PPP2R5E: variants seen among roughly 807,000 people sequenced by gnomAD.
PPP2R5E encodes protein phosphatase 2 regulatory subunit B'epsilon, also known as serine/threonine-protein phosphatase 2A 56 kDa regulatory subunit epsilon isoform.
A neutral mutation model predicts 65.3 loss-of-function variants in PPP2R5E; 4 were observed. The observed-to-expected ratio is 0.06, with a 90% CI of 0.03 to 0.14. The LOEUF (loss-of-function observed/expected upper bound fraction) is 0.14. Ranked by LOEUF, PPP2R5E falls within the 10% of genes least tolerant of loss-of-function variation. The pLI, the probability that PPP2R5E is intolerant of heterozygous loss-of-function variation, is 1.00. For missense variants in PPP2R5E, 274 were observed against 556.1 expected (o/e 0.49, Z 5.10); for synonymous variants, 183 against 187.4 (o/e 0.98, Z 0.19).
intron 2 of PPP2R5E, among the ~76,000 whole-genome samples, chr14:63,465,450 C>CAAAAAAAAAAAAAAAAAAA (rs1171345415): frequency 6.3e-5 from 3 of 47,416 alleles, no homozygotes; most frequent in African/African-American, 2.3e-4. Flanking sequence ...TCCACCTCTA[C>CAAAAAAAAAAAAAAAAAAA]AAAAAAAAAA....
chr14:63,492,858 C>G (rs1891346589), intron 2 of PPP2R5E, among the ~76,000 whole-genome samples: 1 of 152,126 alleles, frequency 6.6e-6, no homozygotes, highest in Non-Finnish European at 1.5e-5. Context: ...CCAGGAATTA[C>G]CAGGAGCCTT....
intron 2 of PPP2R5E, among the ~76,000 whole-genome samples, chr14:63,493,656 CAT>C (rs10571434): frequency 0.32 from 48,573 of 151,674 alleles, 11,557 homozygotes; most frequent in African/African-American, 0.67. Flanking sequence ...TAGTTTTGCA[CAT>C]GTGGCAAGAC....
intron 3 of PPP2R5E, among the ~76,000 whole-genome samples, chr14:63,440,713 C>T (rs1888183958): frequency 6.7e-6 from 1 of 149,414 alleles, no homozygotes; most frequent in Non-Finnish European, 1.5e-5. Context: ...CCGAGGCAGG[C>T]GCATCATGAG....
intron 2 of PPP2R5E, among the ~76,000 whole-genome samples, chr14:63,514,922 A>C (rs1435957783): frequency 6.6e-6 from 1 of 152,190 alleles, no homozygotes; most frequent in African/African-American, 2.4e-5. Flanking sequence ...CATCTGTCCA[A>C]AGTCACTCAG....
At chr14:63,383,663 A>C (rs1884500217) in intron 12 of PPP2R5E, among the ~76,000 whole-genome samples, 1 of 152,262 alleles carries the variant, frequency 6.6e-6, no homozygotes. Context: ...TATTATGAAT[A>C]TACTGAATTG....
intron 11 of PPP2R5E, among the ~76,000 whole-genome samples, chr14:63,387,744 T>G (rs1247051143): frequency 2.0e-5 from 3 of 152,200 alleles, no homozygotes; most frequent in Non-Finnish European, 4.4e-5. Flanking sequence ...CCAACGTGAC[T>G]ATATTTGGAC....
At chr14:63,515,011 G>A (rs1208777414) in intron 2 of PPP2R5E, among the ~76,000 whole-genome samples, 1 of 152,110 alleles carries the variant, frequency 6.6e-6, no homozygotes, top group East Asian at 1.9e-4. Context: ...ACTCTACCCT[G>A]CTGAACATGC....
chr14:63,522,607 G>T lies in PPP2R5E; in HGVS notation c.157+16922C>A, dbSNP rs1301443267. On this transcript the variant is annotated intron_variant, in intron 2 of 13. Coordinates refer to ENST00000337537, the MANE Select transcript of PPP2R5E (RefSeq NM_006246.5). ...GCCTCTGCCCCGCCGCCCCGTCTGG[G>T]ATGTGAGGAGCGCCTCTACCCGTCC... is the stretch of plus-strand genomic sequence containing the variant. 5.9e-3 allele frequency among the ~76,000 whole-genome samples: 835 copies of T among 142,714 alleles called. 52 individuals are homozygous for T. In the East Asian group the frequency reaches 0.13, roughly 21 times the overall value. The allele number at this position is 142,714 out of a possible 152,430, so 93.6% of individuals were successfully genotyped here.
chr14:63,442,907 G>A (rs537550412), intron 3 of PPP2R5E, among the ~76,000 whole-genome samples: 2 of 152,228 alleles, frequency 1.3e-5, no homozygotes, highest in East Asian at 3.9e-4. Context: ...TCATTCCAAA[G>A]CTACTTTTAG....
rs546647615 is a variant in PPP2R5E, at chr14:63,476,912, G to T, written c.158-23027C>A. Among the ~76,000 whole-genome samples the T allele has an allele frequency of 5.3e-5, 8 of 152,256 alleles. No homozygotes were observed. In the East Asian group the frequency reaches 1.5e-3, roughly 29 times the overall value. ...AGCTGAAAACTAAGAACAAGAGGAA[G>T]CACTTAGACTGTAGAGTAGTAGAGT... On this transcript the variant is annotated intron_variant, in intron 2 of 13. Transcript: ENST00000337537.
At chr14:63,428,477 G>C (rs560076425) in intron 3 of PPP2R5E, among the ~76,000 whole-genome samples, 1 of 152,238 alleles carries the variant, frequency 6.6e-6, no homozygotes, top group Admixed American at 6.5e-5. Context: ...TAGATGCCTT[G>C]TATTTTTATT....
chr14:63,468,022 G>A (rs1889925221), intron 2 of PPP2R5E, among the ~76,000 whole-genome samples: 1 of 152,216 alleles, frequency 6.6e-6, no homozygotes, highest in South Asian at 2.1e-4. Flanking sequence ...TAAGAATTAA[G>A]TGAGTACATA....
At chr14:63,467,606 G>A (rs1445608039) in intron 2 of PPP2R5E, among the ~76,000 whole-genome samples, 3 of 152,108 alleles carry the variant, frequency 2.0e-5, no homozygotes, top group Non-Finnish European at 4.4e-5. Flanking sequence ...AACTAAGCTC[G>A]GCAACTAGGT....
chr14:63,374,634 G>GATTATATATATATATAT lies in PPP2R5E; in HGVS notation c.*1374_*1375insATATATATATATATAAT, dbSNP rs1555353678. 488 of 109,466 alleles carry GATTATATATATATATAT rather than the reference G, an allele frequency of 4.5e-3. 26 individuals carry two copies. Among genetic ancestry groups the GATTATATATATATATAT allele is most frequent in the African/African-American group, 0.022 (457 of 20,574 alleles). 6.8% of individuals were successfully genotyped at this position (109,466 alleles called of 1,614,324 possible). A position where few individuals can be genotyped will look rare whatever the true frequency, so the allele number is the denominator to read the frequency against. On this transcript the variant is annotated 3_prime_UTR_variant, in exon 14 of 14. Coordinates refer to ENST00000337537, the MANE Select transcript of PPP2R5E (RefSeq NM_006246.5). ...TAAATACAAAGCAGAGAGCCAATAAGATATATATATATATATATATATATA... is the reference window on the plus strand; with the variant it reads ...TAAATACAAAGCAGAGAGCCAATAAGATTATATATATATATATATATATATATATATATATATATATA...
At chr14:63,511,846 AG>A (rs1314656358) in intron 2 of PPP2R5E, among the ~76,000 whole-genome samples, 1 of 152,104 alleles carries the variant, frequency 6.6e-6, no homozygotes, top group African/African-American at 2.4e-5. Context: ...TGGGAGGCCG[AG>A]GTGAGTGGAT....
chr14:63,430,369 A>ACATG (rs145725219), intron 3 of PPP2R5E, among the ~76,000 whole-genome samples: 7 of 135,138 alleles, frequency 5.2e-5, no homozygotes, highest in African/African-American at 1.3e-4. Context: ...ATACATACAT[A>ACATG]CATGCATGCA....
intron 2 of PPP2R5E, among the ~76,000 whole-genome samples, chr14:63,488,343 G>A (rs573156595): frequency 1.1e-4 from 17 of 151,996 alleles, no homozygotes; most frequent in African/African-American, 2.2e-4. Context: ...GACTAGAGGC[G>A]CACACCACCA....
At chr14:63,426,340 C>T (rs532005994) in intron 3 of PPP2R5E, among the ~76,000 whole-genome samples, 184 of 152,048 alleles carry the variant, frequency 1.2e-3, no homozygotes, top group African/African-American at 4.2e-3. Flanking sequence ...ACCTTTATGT[C>T]CGGCATCAGA....
In PPP2R5E at chr14:63,539,661, G is replaced by C. The variant is rs779891878; in HGVS notation, c.25C>G (p.Pro9Ala). The change falls in exon 2 of 14, where the codon CCA (proline) becomes GCA (alanine). Residue 9 changes from proline (P) to alanine (A), a missense_variant. By Grantham distance (27) the Pro-to-Ala change is conservative (BLOSUM62 -1). Around this residue, in one of 6 missense-constraint regions of PPP2R5E, gnomAD observed 58 missense variants for 64.8 expected, o/e 0.90. Coordinates refer to ENST00000337537, the MANE Select transcript of PPP2R5E (RefSeq NM_006246.5). Reference protein sequence around the residue: MSSAPTTPPSVDKVDGFSR... With the variant: MSSAPTTPASVDKVDGFSR... ...AATCCGTCTACTTTATCCACTGATG[G>C]AGGAGTAGTTGGTGCTGAGGACATA... 7.4e-6 allele frequency: 12 copies of C among 1,613,804 alleles called. No individual in the cohort carries two copies. The highest frequency in any genetic ancestry group is 9.3e-6 in the Non-Finnish European group (11 of 1,179,874).
Sources: gnomAD v4.1 joint callset for allele counts (sites outside exome capture counted in the v4.1 genomes callset) on GRCh38, gnomAD v4.1.1 for gene constraint, gnomAD v4.1.1 regional missense constraint, MANE v1.5 for transcripts, NCBI Gene and HGNC (gene_info 2026-07-23, HGNC 2026-07-21) for gene names.